TRPC4AP: variants seen among roughly 807,000 people sequenced by gnomAD.
TRPC4AP encodes the protein transient receptor potential cation channel subfamily C member 4 associated protein.
A neutral mutation model predicts 99.0 loss-of-function variants in TRPC4AP; 45 were observed. The observed-to-expected ratio is 0.45, with a 90% CI of 0.36 to 0.58. The LOEUF (loss-of-function observed/expected upper bound fraction) is 0.58. Among genes scored for constraint, TRPC4AP ranks in the 20% least tolerant of loss-of-function variants. The pLI, the probability that TRPC4AP is intolerant of heterozygous loss-of-function variation, is 0.00. For missense variants in TRPC4AP, 879 were observed against 985.3 expected, an observed-to-expected ratio of 0.89 and a Z score of 1.44; for synonymous variants, 408 against 385.8, an observed-to-expected ratio of 1.06 and a Z score of -0.67.
At chr20:35,046,052 T>A (rs2083555827) in intron 6 of TRPC4AP, among the ~76,000 whole-genome samples, 1 of 152,222 alleles carries the variant, frequency 6.6e-6, no homozygotes, top group African/African-American at 2.4e-5. Context: ...ACAGGTACTC[T>A]CTGTGTACAC....
Position 35,002,626 on chromosome 20 carries a change from A to C in TRPC4AP, c.*520T>G. 5.8e-6 allele frequency: 1 copy of C among 173,492 alleles called. No homozygotes were observed. The highest frequency in any genetic ancestry group is 1.7e-4 in the East Asian group (1 of 6,028). 10.7% of individuals were successfully genotyped at this position (173,492 alleles called of 1,614,324 possible). ...GGATGAACACAGCGGCCAATGAGCA[A>C]ACAGAACCAGAGGAGCTACAGGAAA... On this transcript the variant is annotated 3_prime_UTR_variant, in exon 19 of 19. Coordinates refer to ENST00000252015, the MANE Select transcript of TRPC4AP (RefSeq NM_015638.3).
chr20:35,034,899 C>T (rs1172651795), intron 8 of TRPC4AP, among the ~76,000 whole-genome samples: 1 of 152,128 alleles, frequency 6.6e-6, no homozygotes, highest in Admixed American at 6.5e-5. Flanking sequence ...CTCAGGTCTG[C>T]AACAAAGCCC....
Position 35,032,618 on chromosome 20 carries a change from G to A in TRPC4AP, c.1051+2505C>T, listed in dbSNP as rs2083227939. Among the ~76,000 whole-genome samples the A allele has an allele frequency of 2.6e-5, 4 of 151,666 alleles. No homozygotes were observed. In the South Asian group the frequency reaches 8.4e-4, roughly 32 times the overall value. On this transcript the variant is annotated intron_variant, in intron 8 of 18. Transcript: ENST00000252015. ...CTCCCCAGTAGCTGGGACTACAGGC[G>A]CCTGCCACCACGCCCAGCTAATTTT...
intron 11 of TRPC4AP, among the ~76,000 whole-genome samples, chr20:35,011,941 C>T (rs17092221): frequency 2.6e-5 from 4 of 152,178 alleles, no homozygotes; most frequent in East Asian, 1.9e-4. Flanking sequence ...TAATGCTCAA[C>T]GGTGGAATCC....
intron 5 of TRPC4AP, among the ~76,000 whole-genome samples, chr20:35,053,664 A>G (rs1180923335): frequency 6.6e-6 from 1 of 152,230 alleles, no homozygotes; most frequent in East Asian, 1.9e-4. Flanking sequence ...GAGGAAAGAA[A>G]AACAAAACAC....
At chr20:35,008,792 A>G (rs748295543) in intron 12 of TRPC4AP, 45 bp from the exon 13 acceptor site, 1 of 1,574,574 alleles carries the variant, frequency 6.4e-7, no homozygotes, top group Non-Finnish European at 8.7e-7. Flanking sequence ...AGAGGCTGAC[A>G]GGGGCCCTGG....
chr20:35,002,865 A>C lies in TRPC4AP; in HGVS notation c.*281T>G, dbSNP rs201797237. On this transcript the variant is annotated 3_prime_UTR_variant, in exon 19 of 19. Transcript: ENST00000252015. ...AGGAGCTCACACAGAGCTAATGCTA[A>C]ATGTCCTCTTACCTCTGGGTGGCCC... 1.7e-4 allele frequency: 62 copies of C among 369,636 alleles called. No individual in the cohort carries two copies. The East Asian group carries it at 2.8e-3, about 17-fold the overall frequency. 22.9% of individuals were successfully genotyped at this position (369,636 alleles called of 1,614,324 possible).
chr20:35,089,040 C>T (rs1039314513), intron 1 of TRPC4AP, among the ~76,000 whole-genome samples: 2 of 147,610 alleles, frequency 1.4e-5, no homozygotes, highest in African/African-American at 5.0e-5. Flanking sequence ...AACTATACAC[C>T]TTTTTTTTTT....
At chr20:35,012,867 A>G in intron 11 of TRPC4AP, 141 bp downstream of exon 11, 2 of 780,580 alleles carry the variant, frequency 2.6e-6, no homozygotes, top group Non-Finnish European at 4.3e-6. Flanking sequence ...GCAGTGTCAC[A>G]CCTGCTAACA....
intron 3 of TRPC4AP, among the ~76,000 whole-genome samples, chr20:35,063,998 A>C (rs559121314): frequency 2.2e-4 from 34 of 152,244 alleles, no homozygotes; most frequent in Non-Finnish European, 4.3e-4. Flanking sequence ...TTTGGTGACA[A>C]GTCCCAAGAC....
At chr20:35,056,165 G>A (rs182216109) in intron 4 of TRPC4AP, among the ~76,000 whole-genome samples, 51 of 152,194 alleles carry the variant, frequency 3.4e-4, no homozygotes, top group Admixed American at 3.9e-4. Flanking sequence ...CAACCTACTG[G>A]GGCTCTGTGA....
At chr20:35,003,675 G>A in intron 17 of TRPC4AP, 59 bp from the exon 18 acceptor site, 1 of 1,549,306 alleles carries the variant, frequency 6.5e-7, no homozygotes, top group Non-Finnish European at 8.7e-7. Flanking sequence ...GGCCCCTGGT[G>A]AACCTGGGTA....
At chr20:35,024,124 C>A (rs1198133522) in intron 8 of TRPC4AP, among the ~76,000 whole-genome samples, 1 of 119,994 alleles carries the variant, frequency 8.3e-6, no homozygotes. Context: ...CGGACATGCA[C>A]ACTCACTTTT....
At chr20:35,082,959 C>T (rs1278330559) in intron 1 of TRPC4AP, among the ~76,000 whole-genome samples, 2 of 152,126 alleles carry the variant, frequency 1.3e-5, no homozygotes, top group Non-Finnish European at 2.9e-5. Context: ...TTTTTTCCCT[C>T]TTAGATCAGG....
At chr20:35,080,395 G>C (rs2084604301) in intron 1 of TRPC4AP, among the ~76,000 whole-genome samples, 3 of 152,066 alleles carry the variant, frequency 2.0e-5, no homozygotes, top group African/African-American at 7.2e-5. Context: ...CAGCTACTCG[G>C]GAGGCTGAGG....
chr20:35,046,677 G>A (rs1315725158), intron 6 of TRPC4AP, among the ~76,000 whole-genome samples: 2 of 152,040 alleles, frequency 1.3e-5, no homozygotes, highest in South Asian at 2.1e-4. Flanking sequence ...GCTGTGCAGG[G>A]GGCATTGGGG....
At chr20:35,011,042 C>T (rs952176470) in intron 11 of TRPC4AP, among the ~76,000 whole-genome samples, 4 of 152,156 alleles carry the variant, frequency 2.6e-5, no homozygotes, top group African/African-American at 9.7e-5. Context: ...GGGTGGATCA[C>T]GAGGTCAGGA....
intron 8 of TRPC4AP, among the ~76,000 whole-genome samples, chr20:35,032,467 C>CTTTTTTTTTTTTTTTTTTTTTTT (rs35808832): frequency 1.1e-5 from 1 of 95,232 alleles, no homozygotes. Context: ...GTTCTTTGAT[C>CTTTTTTTTTTTTTTTTTTTTTTT]TTTTTTTTTT....
At chr20:35,006,349 C>T in intron 15 of TRPC4AP, 86 bp downstream of exon 15, 1 of 1,529,262 alleles carries the variant, frequency 6.5e-7, no homozygotes, top group Non-Finnish European at 8.9e-7. Context: ...TAACGTAAAA[C>T]CTGTGCCTAA....
Sources: allele counts gnomAD v4.1 joint callset (sites outside exome capture counted in the v4.1 genomes callset), GRCh38; gene constraint gnomAD v4.1.1; transcripts MANE v1.5; gene names NCBI Gene and HGNC (gene_info 2026-07-23, HGNC 2026-07-21).